GTPBP6: variants seen among roughly 807,000 people sequenced by gnomAD.
GTPBP6 encodes putative GTP-binding protein 6.
A neutral mutation model predicts 28.9 loss-of-function variants in GTPBP6; 33 were observed. The observed-to-expected ratio is 1.14, with a 90% CI of 0.87 to 1.53. GTPBP6 has a LOEUF of 1.53. GTPBP6 is among the 40% of genes most tolerant of loss of function. The probability of loss-of-function intolerance (pLI) is 0.00; values close to 1 mark genes in which losing one functional copy is unlikely to be tolerated. For synonymous variants in GTPBP6, 231 were observed against 192.7 expected, an observed-to-expected ratio of 1.20 and a Z score of -1.65; for missense variants, 507 against 408.3, an observed-to-expected ratio of 1.24 and a Z score of -2.08.
At chrX:307,681 C>G in intron 8 of GTPBP6, 51 bp downstream of exon 8, 3 of 1,452,204 alleles carry the variant, frequency 2.1e-6, no homozygotes, top group Non-Finnish European at 2.7e-6. Context: ...CCACCCGGCT[C>G]CAGCGCGTGC....
intron 8 of GTPBP6, 35 bp downstream of exon 8, chrX:307,697 A>T: frequency 6.9e-7 from 1 of 1,458,878 alleles, no homozygotes; most frequent in Non-Finnish European, 9.1e-7. Flanking sequence ...CGTGCAGGGG[A>T]AGGAGACGCT....
intron 7 of GTPBP6, among the ~76,000 whole-genome samples, chrX:309,294 C>T (rs1188959087): frequency 7.2e-5 from 11 of 152,086 alleles, no homozygotes; most frequent in Admixed American, 2.0e-4. Context: ...ACCCTACGGC[C>T]GGGGGCAGTT....
At chrX:315,600 G>T (rs1487400403) in intron 2 of GTPBP6, among the ~76,000 whole-genome samples, 1 of 134,356 alleles carries the variant, frequency 7.4e-6, no homozygotes, top group Non-Finnish European at 1.7e-5. Flanking sequence ...AATACATCCC[G>T]ACAGGGACAG....
chrX:314,704 G>C (rs777324718), intron 4 of GTPBP6, among the ~76,000 whole-genome samples, 186 bp downstream of exon 4: 10,676 of 151,882 alleles, frequency 0.07, 994 homozygotes, highest in African/African-American at 0.22. Flanking sequence ...TCTCGATCTC[G>C]TGACCTCGTG....
rs183112178 is a variant in GTPBP6, at chrX:313,249, G to A, written c.758-325C>T. Among the ~76,000 whole-genome samples the A allele has an allele frequency of 3.6e-3, 544 of 152,352 alleles. 5 individuals are homozygous for A. The highest frequency in any genetic ancestry group is 0.012 in the African/African-American group (509 of 41,590). ...GACGTCATCGTGAGCGGGCTCAGTG[G>A]GGCCCCTTTCACATCCGAAGTCCCA... On this transcript the variant is annotated intron_variant, in intron 5 of 9. Coordinates refer to ENST00000326153, the Ensembl canonical transcript of GTPBP6.
chrX:311,849 CG>C (rs1245916623), intron 6 of GTPBP6: 1 of 584,830 alleles, frequency 1.7e-6, no homozygotes, highest in African/African-American at 2.1e-5. Flanking sequence ...CGTGCGGACA[CG>C]GGGGAGATGG....
intron 9 of GTPBP6, 100 bp from the exon 10 acceptor site, chrX:305,297 A>G (rs2070132807): frequency 1.1e-6 from 1 of 903,836 alleles, no homozygotes; most frequent in Non-Finnish European, 1.8e-6. Context: ...AGCTCAAACC[A>G]TTCATCAGAC....
In GTPBP6 at chrX:314,199, G is replaced by A. The variant is rs781138112; in HGVS notation, c.708C>T (p.Asp236=). The A allele has an allele frequency of 3.6e-5, 58 of 1,613,416 alleles. 1 individual carries two copies. The highest frequency in any genetic ancestry group is 3.3e-4 in the South Asian group (30 of 91,056). Reference sequence around the variant, plus strand: ...CGACTCCTCGGTACAGGTGGGCGACGTCCCTTTTCAAGTTCGACCTGGTGT... The same window carrying A: ...CGACTCCTCGGTACAGGTGGGCGACATCCCTTTTCAAGTTCGACCTGGTGT... Residue 236 remains aspartate (D), a synonymous_variant, in exon 5 of 10, where the codon GAC becomes GAT. Coordinates refer to ENST00000326153, the Ensembl canonical transcript of GTPBP6.
chrX:317,915 A>T (rs1392087381), intron 1 of GTPBP6, among the ~76,000 whole-genome samples: 24 of 80,526 alleles, frequency 3.0e-4, no homozygotes, highest in South Asian at 4.7e-4. Flanking sequence ...CCACCCATGC[A>T]CCTCCACCTA....
exon 2 of GTPBP6, chrX:316,975 C>G (rs2070450583): frequency 2.5e-6 from 1 of 398,578 alleles, no homozygotes; most frequent in East Asian, 3.6e-5. Flanking sequence ...TTTTGGTGGA[C>G]ACGACCATTG....
chrX:309,010 C>T (rs2070230803), intron 7 of GTPBP6, among the ~76,000 whole-genome samples: 1 of 152,130 alleles, frequency 6.6e-6, no homozygotes, highest in South Asian at 2.1e-4. Context: ...CAGGCGTGAG[C>T]CACCACACCC....
intron 9 of GTPBP6, 103 bp from the exon 10 acceptor site, chrX:305,300 C>A: frequency 2.3e-6 from 2 of 886,468 alleles, no homozygotes; most frequent in Non-Finnish European, 3.7e-6. Flanking sequence ...TCAAACCATT[C>A]ATCAGACCGT....
chrX:314,976 G>A (rs2070402585), exon 4 of GTPBP6: 2 of 398,600 alleles, frequency 5.0e-6, no homozygotes, highest in Non-Finnish European at 4.4e-6. Context: ...GGACGACCGT[G>A]AAGCGGTCAA....
At chrX:305,302 T>A in intron 9 of GTPBP6, 105 bp from the exon 10 acceptor site, 17 of 839,630 alleles carry the variant, frequency 2.0e-5, no homozygotes, top group Non-Finnish European at 2.8e-5. Flanking sequence ...AAACCATTCA[T>A]CAGACCGTCC....
intron 2 of GTPBP6, 82 bp from the exon 3 acceptor site, chrX:315,381 G>A (rs2070410920): frequency 2.5e-6 from 1 of 398,554 alleles, no homozygotes; most frequent in African/African-American, 2.1e-5. Flanking sequence ...CCCTTTGTGG[G>A]ATGCACCGCG....
intron 1 of GTPBP6, among the ~76,000 whole-genome samples, chrX:318,179 C>G (rs2070475339): frequency 6.6e-6 from 1 of 151,258 alleles, no homozygotes; most frequent in African/African-American, 2.4e-5. Flanking sequence ...TCCCCAGAGC[C>G]CCGCCCTTGC....
chrX:307,814 A>G, exon 8 of GTPBP6: 3 of 1,555,160 alleles, frequency 1.9e-6, no homozygotes, highest in Non-Finnish European at 2.6e-6. Context: ...CGCAGCGTGG[A>G]CAGAACGCTG....
At position 310,002 on chromosome X, in the gene GTPBP6, A is replaced by T. The variant is rs7201293; in HGVS notation, c.1125+1417T>A. On this transcript the variant is annotated intron_variant, in intron 7 of 9. Transcript: ENST00000326153. ...AGGCAGAGACTGGAGTGATGCGGCC[A>T]CAAGCCCAGGGACGCCTGGAGCCCC... Among the ~76,000 whole-genome samples the T allele has an allele frequency of 9.1e-3, 1,076 of 117,986 alleles. 4 individuals are homozygous for T. The highest frequency in any genetic ancestry group is 0.016 in the African/African-American group (437 of 27,936). The allele number at this position is 117,986 out of a possible 152,430, so 77.4% of individuals were successfully genotyped here. A position where few individuals can be genotyped will look rare whatever the true frequency, so the allele number is the denominator to read the frequency against.
intron 2 of GTPBP6, among the ~76,000 whole-genome samples, chrX:315,579 C>A (rs1443588560): frequency 4.8e-4 from 26 of 54,172 alleles, no homozygotes; most frequent in Middle Eastern, 0.011. Context: ...CACACACACA[C>A]ACACACAGTA....
Sources: allele counts gnomAD v4.1 joint callset (sites outside exome capture counted in the v4.1 genomes callset), GRCh38; gene constraint gnomAD v4.1.1; transcripts MANE v1.5; gene names NCBI Gene and HGNC (gene_info 2026-07-23, HGNC 2026-07-21).